The following TMEM120B variants were observed in gnomAD, a reference collection of about 807,000 sequenced individuals.
The protein encoded by TMEM120B is transmembrane protein 120B.
A neutral mutation model predicts 55.5 loss-of-function variants in TMEM120B; 31 were observed. That is an observed-to-expected ratio of 0.56 (90% CI 0.42 to 0.75). The LOEUF (loss-of-function observed/expected upper bound fraction) is 0.75, where lower values mean the gene tolerates loss of function less well. Ranked by LOEUF, TMEM120B falls within the 30% of genes least tolerant of loss-of-function variation. The probability of loss-of-function intolerance (pLI) is 0.00; values close to 1 mark genes in which losing one functional copy is unlikely to be tolerated. For missense variants in TMEM120B, 399 were observed against 425.5 expected (o/e 0.94, Z 0.55); for synonymous variants, 203 against 176.3 (o/e 1.15, Z -1.20).
At chr12:121,759,126 T>TTG in intron 5 of TMEM120B, 1 of 876,536 alleles carries the variant, frequency 1.1e-6, no homozygotes, top group Non-Finnish European at 1.4e-6. Flanking sequence ...TCTACTGTTT[T>TTG]TTTTTTTTTT....
chr12:121,763,917 C>T (rs747064916), intron 6 of TMEM120B, among the ~76,000 whole-genome samples: 10 of 152,180 alleles, frequency 6.6e-5, no homozygotes, highest in East Asian at 1.9e-4. Flanking sequence ...CCCTGCCCTA[C>T]ACTGAACGTA....
intron 1 of TMEM120B, among the ~76,000 whole-genome samples, chr12:121,742,441 A>C (rs944426319): frequency 1.3e-5 from 2 of 152,160 alleles, no homozygotes; most frequent in Non-Finnish European, 2.9e-5. Flanking sequence ...CAAAACAAAA[A>C]AAATCACTTT....
At chr12:121,719,359 T>G (rs1217399973) in intron 1 of TMEM120B, among the ~76,000 whole-genome samples, 1 of 151,840 alleles carries the variant, frequency 6.6e-6, no homozygotes, top group African/African-American at 2.4e-5. Context: ...CTGAGGCAGG[T>G]AGATCGCTTG....
rs1874333302 is a variant in TMEM120B, at chr12:121,778,769, C to G, written c.*3047C>G. 6.6e-6 allele frequency: 1 copy of G among 152,306 alleles called. No individual in the cohort carries two copies. The highest frequency in any genetic ancestry group is 1.5e-5 in the Non-Finnish European group (1 of 68,142). The allele number at this position is 152,306 out of a possible 1,614,324, so 9.4% of individuals were successfully genotyped here. ...AACTTGCTCATGACCACACTGGGAG[C>G]CGACTGTTCTTCCCATCCCAAGTCT... On this transcript the variant is annotated 3_prime_UTR_variant, in exon 12 of 12. Coordinates refer to ENST00000449592, the MANE Select transcript of TMEM120B (RefSeq NM_001080825.2).
intron 7 of TMEM120B, 109 bp downstream of exon 7, chr12:121,771,081 C>A: frequency 8.0e-7 from 1 of 1,244,294 alleles, no homozygotes; most frequent in Non-Finnish European, 1.1e-6. Context: ...GCTCCAGGGC[C>A]AACTTGGGAA....
chr12:121,774,579 G>A (rs1324180183), intron 9 of TMEM120B, 79 bp from the exon 10 acceptor site: 3 of 1,415,998 alleles, frequency 2.1e-6, no homozygotes, highest in Non-Finnish European at 3.0e-6. Flanking sequence ...GACTGGTGTG[G>A]CTGGGGGTGG....
intron 5 of TMEM120B, chr12:121,758,281 G>A (rs1244208153): frequency 1.0e-6 from 1 of 985,392 alleles, no homozygotes; most frequent in African/African-American, 1.7e-5. Flanking sequence ...GCTGAGGCCA[G>A]TGGGGCTCTG....
chr12:121,771,064 G>A lies in TMEM120B; in HGVS notation c.617+92G>A, dbSNP rs562721388. Reference sequence around the variant, plus strand: ...AGGGGGCTGATCCAGACAGCGGTGGGGGGTGTGCTCCAGGGCCAACTTGGG... The same window carrying A: ...AGGGGGCTGATCCAGACAGCGGTGGAGGGTGTGCTCCAGGGCCAACTTGGG... On this transcript the variant is annotated intron_variant, in intron 7 of 11. Transcript: ENST00000449592. 294 of 1,392,550 alleles carry A rather than the reference G, an allele frequency of 2.1e-4. No homozygotes were observed. In the African/African-American group the frequency reaches 3.9e-3, roughly 18 times the overall value. 86.3% of individuals were successfully genotyped at this position (1,392,550 alleles called of 1,614,324 possible). A position where few individuals can be genotyped will look rare whatever the true frequency, so the allele number is the denominator to read the frequency against.
chr12:121,744,695 C>T (rs1356425516), intron 2 of TMEM120B, among the ~76,000 whole-genome samples: 4 of 152,186 alleles, frequency 2.6e-5, no homozygotes, highest in African/African-American at 9.6e-5. Flanking sequence ...ACCCCATTGT[C>T]AGGCAGGGAA....
intron 5 of TMEM120B, among the ~76,000 whole-genome samples, chr12:121,755,862 C>T (rs1037757953): frequency 6.6e-5 from 10 of 152,072 alleles, no homozygotes; most frequent in African/African-American, 2.4e-4. Flanking sequence ...GGACTGACCC[C>T]AGAGGGTGTT....
intron 6 of TMEM120B, among the ~76,000 whole-genome samples, chr12:121,763,984 G>A (rs1232203239): frequency 6.6e-6 from 1 of 152,134 alleles, no homozygotes; most frequent in East Asian, 1.9e-4. Context: ...GCAACAGGAA[G>A]TTTCACGAAT....
chr12:121,769,799 A>G (rs1005167249), intron 6 of TMEM120B, among the ~76,000 whole-genome samples: 1 of 151,966 alleles, frequency 6.6e-6, no homozygotes, highest in Non-Finnish European at 1.5e-5. Context: ...TCACAGATAG[A>G]CTGGTGAACA....
In TMEM120B at chr12:121,780,663, A is replaced by G; in HGVS notation, c.*4941A>G. 1 of 613,980 alleles carries G rather than the reference A, an allele frequency of 1.6e-6. No homozygotes were observed. 38.0% of individuals were successfully genotyped at this position (613,980 alleles called of 1,614,324 possible). A position where few individuals can be genotyped will look rare whatever the true frequency, so the allele number is the denominator to read the frequency against. On this transcript the variant is annotated 3_prime_UTR_variant, in exon 12 of 12. Transcript: ENST00000449592. ...CCCCTGTAAACTGGGGGATGTGAAC[A>G]GCGCCTGCCTCCGAGTCCTAAGGAT... is the stretch of plus-strand genomic sequence containing the variant.
At position 121,779,477 on chromosome 12, in the gene TMEM120B, G is replaced by A. The variant is rs757496655; in HGVS notation, c.*3755G>A. On this transcript the variant is annotated 3_prime_UTR_variant, in exon 12 of 12. Coordinates refer to ENST00000449592, the MANE Select transcript of TMEM120B (RefSeq NM_001080825.2). The stretch of plus-strand genomic sequence containing the variant: ...GCCCCCGGGCCCTGTCAGTGCTGTC[G>A]TGAGGTCTGTCTGCCCTGGGTCAGA... 3.7e-6 allele frequency: 6 copies of A among 1,608,600 alleles called. No homozygotes were observed. The highest frequency in any genetic ancestry group is 1.7e-4 in the Middle Eastern group (1 of 6,054).
intron 1 of TMEM120B, among the ~76,000 whole-genome samples, chr12:121,726,928 A>T (rs952935451): frequency 9.8e-5 from 11 of 112,596 alleles, no homozygotes; most frequent in Non-Finnish European, 2.0e-4. Context: ...AAAAAAAAAA[A>T]AAAAAAAAGC....
intron 1 of TMEM120B, among the ~76,000 whole-genome samples, chr12:121,725,451 A>G (rs1592924987): frequency 6.6e-6 from 1 of 152,280 alleles, no homozygotes; most frequent in East Asian, 1.9e-4. Context: ...GAAATTTACC[A>G]TATGACCCAG....
intron 1 of TMEM120B, among the ~76,000 whole-genome samples, chr12:121,740,952 T>G (rs1433532636): frequency 6.6e-6 from 1 of 152,172 alleles, no homozygotes; most frequent in Non-Finnish European, 1.5e-5. Context: ...CTTGTTTTGC[T>G]GTTAGAGTCC....
At position 121,780,358 on chromosome 12, in the gene TMEM120B, G is replaced by A. The variant is rs1488383827; in HGVS notation, c.*4636G>A. On this transcript the variant is annotated 3_prime_UTR_variant, in exon 12 of 12. Transcript: ENST00000449592. ...CAGGCGTGAGCCACTATGCCCGGCC[G>A]GATTTGCCCTTATTAATGGTTATTT... The A allele has an allele frequency of 1.2e-5, 2 of 164,696 alleles. No individual in the cohort carries two copies. The highest frequency in any genetic ancestry group is 2.4e-5 in the African/African-American group (1 of 41,740). The allele number at this position is 164,696 out of a possible 1,614,324, so 10.2% of individuals were successfully genotyped here.
chr12:121,715,063 C>G (rs767816776), intron 1 of TMEM120B, among the ~76,000 whole-genome samples: 2 of 152,058 alleles, frequency 1.3e-5, no homozygotes, highest in Non-Finnish European at 2.9e-5. Flanking sequence ...TGAGGCCCAG[C>G]GCGGCGGCTC....
Sources: allele counts gnomAD v4.1 joint callset (sites outside exome capture counted in the v4.1 genomes callset), GRCh38; gene constraint gnomAD v4.1.1; transcripts MANE v1.5; gene names NCBI Gene and HGNC (gene_info 2026-07-23, HGNC 2026-07-21).